The following AHCYL2 variants were observed in gnomAD, a reference collection of about 807,000 sequenced individuals.
AHCYL2 encodes adenosylhomocysteinase like 2.
AHCYL2 carries 28 observed loss-of-function variants against 81.4 expected under a neutral mutation model. The ratio of observed to expected loss-of-function variants is 0.34; its 90% CI spans 0.25 to 0.47. The LOEUF (loss-of-function observed/expected upper bound fraction) is 0.47, where lower values mean the gene tolerates loss of function less well. AHCYL2 is among the 20% of genes least tolerant of loss of function. AHCYL2 has a pLI of 1.00. For missense variants in AHCYL2, 551 were observed against 785.1 expected (o/e 0.70, Z 3.56); for synonymous variants, 272 against 290.2 (o/e 0.94, Z 0.64).
In AHCYL2 at chr7:129,309,467, G is replaced by C. The variant is rs182493701; in HGVS notation, c.364-70171G>C. 2.8e-3 allele frequency among the ~76,000 whole-genome samples: 432 copies of C among 151,992 alleles called. 2 individuals are homozygous for C. The highest frequency in any genetic ancestry group is 0.01 in the African/African-American group (418 of 41,420). On this transcript the variant is annotated intron_variant, in intron 1 of 16. Coordinates refer to ENST00000325006, the MANE Select transcript of AHCYL2 (RefSeq NM_015328.4). The stretch of plus-strand genomic sequence containing the variant: ...AGGTGAGAGGATCACTTGAGCCTAG[G>C]AGTTTGAGGCTGCAGTGAGATGTGA...
intron 1 of AHCYL2, among the ~76,000 whole-genome samples, chr7:129,331,139 T>C (rs1445334744): frequency 1.3e-5 from 2 of 152,212 alleles, no homozygotes; most frequent in East Asian, 3.8e-4. Flanking sequence ...AAAACATAGA[T>C]TATTAAAAGA....
chr7:129,226,576 G>A (rs565181225), intron 1 of AHCYL2, among the ~76,000 whole-genome samples: 159 of 152,258 alleles, frequency 1.0e-3, no homozygotes, highest in Non-Finnish European at 1.7e-3. Flanking sequence ...TTACTGTGTG[G>A]GACCAGCTGA....
intron 1 of AHCYL2, among the ~76,000 whole-genome samples, chr7:129,244,851 T>C (rs990788325): frequency 6.6e-6 from 1 of 152,168 alleles, no homozygotes; most frequent in South Asian, 2.1e-4. Context: ...GTTGATGTCT[T>C]TACCAATTGC....
At chr7:129,358,263 G>A (rs1320771404) in intron 1 of AHCYL2, among the ~76,000 whole-genome samples, 1 of 151,840 alleles carries the variant, frequency 6.6e-6, no homozygotes. Context: ...GTGGTGGCGG[G>A]CGCCTGTAGT....
Position 129,365,628 on chromosome 7 carries a change from GTATA to G in AHCYL2, c.364-13996_364-13993del, listed in dbSNP as rs10526470. The stretch of plus-strand genomic sequence containing the variant: ...TAATACAGTTTACCTGGAGGATAGA[GTATA>G]TATATATATATATGGGTATGAAGTG... On this transcript the variant is annotated intron_variant, in intron 1 of 16. Transcript: ENST00000325006. 1.8e-4 allele frequency among the ~76,000 whole-genome samples: 22 copies of G among 124,334 alleles called. 2 individuals carry two copies. The highest frequency in any genetic ancestry group is 5.1e-4 in the East Asian group (2 of 3,954). 81.6% of individuals were successfully genotyped at this position (124,334 alleles called of 152,430 possible). A position where few individuals can be genotyped will look rare whatever the true frequency, so the allele number is the denominator to read the frequency against.
At chr7:129,339,988 G>C (rs1413500928) in intron 1 of AHCYL2, among the ~76,000 whole-genome samples, 3 of 131,666 alleles carry the variant, frequency 2.3e-5, no homozygotes, top group Non-Finnish European at 4.6e-5. Context: ...ACGTGATCTC[G>C]GCTCACTGCA....
At position 129,226,972 on chromosome 7, in the gene AHCYL2, A is replaced by G. The variant is rs531768092; in HGVS notation, c.363+1533A>G. ...AAGACTGTTTTTGTCTAAACTTTGTAATTTGGTTAGATTTCTTTAGGCTAA... is the reference window on the plus strand; with the variant it reads ...AAGACTGTTTTTGTCTAAACTTTGTGATTTGGTTAGATTTCTTTAGGCTAA... On this transcript the variant is annotated intron_variant, in intron 1 of 16. Coordinates refer to ENST00000325006, the MANE Select transcript of AHCYL2 (RefSeq NM_015328.4). Among the ~76,000 whole-genome samples the G allele has an allele frequency of 1.2e-4, 19 of 152,274 alleles. 1 individual carries two copies. In the East Asian group the frequency reaches 1.9e-3, roughly 15 times the overall value.
At chr7:129,389,340 A>G (rs1186097536) in intron 3 of AHCYL2, 141 bp downstream of exon 3, 16 of 1,072,704 alleles carry the variant, frequency 1.5e-5, no homozygotes, top group Non-Finnish European at 2.1e-5. Flanking sequence ...TGTGAGTTCA[A>G]GAAACACTGG....
chr7:129,368,453 T>C lies in AHCYL2; in HGVS notation c.364-11185T>C, dbSNP rs1293548512. The C allele has an allele frequency of 6.2e-7, 1 of 1,613,902 alleles. No homozygotes were observed. The stretch of plus-strand genomic sequence containing the variant: ...ATAACCCCAGTATTTCCAAACCAGC[T>C]TTCCCTTTTGCTTCAGGACATATCT... On this transcript the variant is annotated intron_variant, in intron 1 of 16. Transcript: ENST00000325006. The surrounding 1 kb of genome is among the most constrained non-coding windows in gnomAD (Gnocchi z 4.4).
At chr7:129,336,967 G>C (rs184454314) in intron 1 of AHCYL2, among the ~76,000 whole-genome samples, 1 of 151,928 alleles carries the variant, frequency 6.6e-6, no homozygotes, top group Non-Finnish European at 1.5e-5. Context: ...GGCTAGTCTC[G>C]AACTCCTGGA....
chr7:129,302,661 T>C (rs1797294067), intron 1 of AHCYL2, among the ~76,000 whole-genome samples: 1 of 152,240 alleles, frequency 6.6e-6, no homozygotes, highest in South Asian at 2.1e-4. Flanking sequence ...CTGTATCACA[T>C]TGATTGATTG....
At chr7:129,274,096 A>T (rs56026912) in intron 1 of AHCYL2, among the ~76,000 whole-genome samples, 1 of 152,030 alleles carries the variant, frequency 6.6e-6, no homozygotes, top group Non-Finnish European at 1.5e-5. Context: ...GGAACTGGTG[A>T]TATGTGTCTG....
intron 1 of AHCYL2, among the ~76,000 whole-genome samples, chr7:129,374,043 G>C (rs1043280580): frequency 6.6e-6 from 1 of 152,270 alleles, no homozygotes; most frequent in South Asian, 2.1e-4. Context: ...ATTGTGACTT[G>C]ATCAGGGCCC....
Position 129,388,584 on chromosome 7 carries a change from A to G in AHCYL2, c.476-472A>G, listed in dbSNP as rs569190809. 4.6e-5 allele frequency among the ~76,000 whole-genome samples: 7 copies of G among 152,288 alleles called. 1 individual carries two copies. The highest frequency in any genetic ancestry group is 4.1e-4 in the South Asian group (2 of 4,824). ...AAAGAAAGCTCTGTTAGGTCAGACA[A>G]ATACTTTTTGTGTGGTTCTTAATTA... On this transcript the variant is annotated intron_variant, in intron 2 of 16. Transcript: ENST00000325006.
chr7:129,258,165 G>A (rs575373296), intron 1 of AHCYL2, among the ~76,000 whole-genome samples: 11 of 150,066 alleles, frequency 7.3e-5, no homozygotes, highest in African/African-American at 2.2e-4. Flanking sequence ...TTCTGGTAAC[G>A]AATTACCATT....
At chr7:129,275,393 C>A (rs1436713896) in intron 1 of AHCYL2, among the ~76,000 whole-genome samples, 1 of 151,930 alleles carries the variant, frequency 6.6e-6, no homozygotes, top group Non-Finnish European at 1.5e-5. Context: ...CACAGCAAGA[C>A]CTTGTCTCCA....
intron 1 of AHCYL2, among the ~76,000 whole-genome samples, chr7:129,353,625 G>C (rs1322220683): frequency 1.3e-5 from 2 of 149,322 alleles, no homozygotes; most frequent in Non-Finnish European, 3.0e-5. Context: ...GATGTGTTAA[G>C]ATGGAGGTGC....
chr7:129,354,219 A>T (rs184919286), intron 1 of AHCYL2, among the ~76,000 whole-genome samples: 32 of 152,344 alleles, frequency 2.1e-4, no homozygotes, highest in Admixed American at 2.1e-3. Flanking sequence ...TGGTGGAAGG[A>T]TAGATTTTGA....
intron 1 of AHCYL2, among the ~76,000 whole-genome samples, chr7:129,374,574 G>A (rs998282748): frequency 6.6e-6 from 1 of 151,418 alleles, no homozygotes; most frequent in East Asian, 1.9e-4. Flanking sequence ...TTGGGAGGCC[G>A]AGGCAGGTGG....
Sources: allele counts gnomAD v4.1 joint callset (sites outside exome capture counted in the v4.1 genomes callset), GRCh38; gene constraint gnomAD v4.1.1; non-coding constraint Gnocchi (gnomAD v3.1); transcripts MANE v1.5; gene names NCBI Gene and HGNC (gene_info 2026-07-23, HGNC 2026-07-21).